The following ZNF410 variants were observed in gnomAD, a reference collection of about 807,000 sequenced individuals.
ZNF410 encodes the protein another partner for ARF 1.
Under a neutral mutation model 54.8 loss-of-function variants are expected in ZNF410, and 18 were observed. The observed-to-expected ratio is 0.33, with a 90% CI of 0.23 to 0.49. The LOEUF (loss-of-function observed/expected upper bound fraction) is 0.49. Ranked by LOEUF, ZNF410 falls within the 20% of genes least tolerant of loss-of-function variation. ZNF410 has a pLI of 0.99. For synonymous variants in ZNF410, 191 were observed against 207.3 expected (o/e 0.92, Z 0.68); for missense variants, 405 against 569.6 (o/e 0.71, Z 2.94).
intron 2 of ZNF410, chr14:73,893,513 G>T: frequency 3.5e-6 from 1 of 284,430 alleles, no homozygotes; most frequent in Non-Finnish European, 6.5e-6. Flanking sequence ...ATCTAAACGT[G>T]GAAAAAGTAC....
At chr14:73,924,648 A>G (rs764661374) in intron 11 of ZNF410, 15 of 439,650 alleles carry the variant, frequency 3.4e-5, no homozygotes, top group Non-Finnish European at 5.8e-5. Flanking sequence ...ATTAGTTTTT[A>G]TGGTGCTCTT....
chr14:73,892,642 C>A (rs1325426355), intron 2 of ZNF410, among the ~76,000 whole-genome samples: 1 of 151,936 alleles, frequency 6.6e-6, no homozygotes, highest in African/African-American at 2.4e-5. Context: ...ACTTTTCTTA[C>A]TTTAAATTTA....
At position 73,903,724 on chromosome 14, in the gene ZNF410, C is replaced by T. The variant is rs2055441357; in HGVS notation, c.581-236C>T. On this transcript the variant is annotated intron_variant, in intron 5 of 11. Transcript: ENST00000555044. The stretch of plus-strand genomic sequence containing the variant: ...CATGTTGCCCATGCTAGTCTCGGAA[C>T]ACCTGGGCTCAAGCAGTCCTCCCAC... 9.8e-6 allele frequency: 5 copies of T among 508,012 alleles called. No individual in the cohort carries two copies. The South Asian group carries it at 1.4e-4, about 15-fold the overall frequency. The allele number at this position is 508,012 out of a possible 1,614,324, so 31.5% of individuals were successfully genotyped here.
At chr14:73,912,606 T>G (rs966496311) in intron 8 of ZNF410, among the ~76,000 whole-genome samples, 1 of 152,244 alleles carries the variant, frequency 6.6e-6, no homozygotes, top group African/African-American at 2.4e-5. Context: ...ACTCTTTAGT[T>G]GGACTCTTCC....
At position 73,893,865 on chromosome 14, in the gene ZNF410, A is replaced by G. The variant is rs1488985155; in HGVS notation, c.102A>G (p.Lys34=). 2 of 1,614,028 alleles carry G rather than the reference A, an allele frequency of 1.2e-6. No homozygotes were observed. Among genetic ancestry groups the G allele is most frequent in the African/African-American group, 1.3e-5 (1 of 74,920 alleles). The change falls in exon 3 of 12, where the codon AAA becomes AAG. Residue 34 remains lysine, a synonymous_variant. Coordinates refer to ENST00000555044, the MANE Select transcript of ZNF410 (RefSeq NM_021188.3). ...LGQGLVESEA[K]DITCLSLLPV... ...AGGGGCTTGTAGAATCAGAAGCTAAAGATATTACTTGCTTGTCCCTCCTTC... is the reference window on the plus strand; with the variant it reads ...AGGGGCTTGTAGAATCAGAAGCTAAGGATATTACTTGCTTGTCCCTCCTTC...
Position 73,909,333 on chromosome 14 carries a change from G to A in ZNF410, c.914-8G>A. Reference sequence around the variant, plus strand: ...AGACTGAGTCTTTATCTCATTTTCTGTCTCTAGGAGAGAAACCTTTCCTTT... The same window carrying A: ...AGACTGAGTCTTTATCTCATTTTCTATCTCTAGGAGAGAAACCTTTCCTTT... On this transcript the variant is annotated splice_region_variant and splice_polypyrimidine_tract_variant and intron_variant, in intron 7 of 11. Transcript: ENST00000555044. 6.2e-7 allele frequency: 1 copy of A among 1,610,514 alleles called. No individual in the cohort carries two copies. The highest frequency in any genetic ancestry group is 8.5e-7 in the Non-Finnish European group (1 of 1,178,590).
In ZNF410 at chr14:73,918,885, A is replaced by G. The variant is rs535506200; in HGVS notation, c.1004-2095A>G. On this transcript the variant is annotated intron_variant, in intron 8 of 11. Transcript: ENST00000555044. ...GGCTACCTTTTTGTATTTTTAGTAG[A>G]GATGGGGTTTCACCGTGTTAGCCAG... is the stretch of plus-strand genomic sequence containing the variant. Among the ~76,000 whole-genome samples the G allele has an allele frequency of 1.0e-4, 14 of 139,762 alleles. No homozygotes were observed. In the South Asian group the frequency reaches 2.9e-3, roughly 29 times the overall value. The allele number at this position is 139,762 out of a possible 152,430, so 91.7% of individuals were successfully genotyped here. A position where few individuals can be genotyped will look rare whatever the true frequency, so the allele number is the denominator to read the frequency against.
chr14:73,907,361 G>A (rs558925357), intron 7 of ZNF410, among the ~76,000 whole-genome samples: 10 of 152,308 alleles, frequency 6.6e-5, no homozygotes, highest in Non-Finnish European at 8.8e-5. Context: ...ACTTTGGGAG[G>A]CTGAGGTGAG....
rs2055916466 is a variant in ZNF410 at position 73,931,581 on chromosome 14, C to G, written c.*40C>G. 1.3e-6 allele frequency: 2 copies of G among 1,596,264 alleles called. No individual in the cohort carries two copies. The highest frequency in any genetic ancestry group is 1.7e-5 in the Admixed American group (1 of 58,756). On this transcript the variant is annotated 3_prime_UTR_variant, in exon 12 of 12. Transcript: ENST00000555044. ...TCCTGGAAGAGCAACTCTATCTGAT[C>G]TCAAAATGCGTATACTGGGAACAGG...
chr14:73,888,020 C>T (rs927118795), intron 1 of ZNF410, among the ~76,000 whole-genome samples: 1 of 151,828 alleles, frequency 6.6e-6, no homozygotes, highest in Non-Finnish European at 1.5e-5. Context: ...CGCGGGGTGA[C>T]CAGTTAGAGG....
chr14:73,927,253 ATTT>A (rs2055847970), intron 11 of ZNF410: 1 of 218,440 alleles, frequency 4.6e-6, no homozygotes, highest in Non-Finnish European at 9.8e-6. Context: ...GCCCGGCTGT[ATTT>A]TTAGTAGAGA....
At chr14:73,903,897 G>C (rs57218552) in intron 5 of ZNF410, 63 bp from the exon 6 acceptor site, 224,638 of 1,589,602 alleles carry the variant, frequency 0.14, 17,667 homozygotes, top group Admixed American at 0.26. Context: ...GAGCTTTATT[G>C]TTTGAGCCTA....
intron 2 of ZNF410, 57 bp downstream of exon 2, chr14:73,892,265 C>T (rs1469659669): frequency 2.2e-5 from 35 of 1,596,082 alleles, no homozygotes; most frequent in Non-Finnish European, 2.8e-5. Flanking sequence ...CAAAGTTTAT[C>T]TTCAGTTTAG....
At chr14:73,909,455 G>T (rs767188922) in intron 8 of ZNF410, 25 bp downstream of exon 8, 4 of 1,598,034 alleles carry the variant, frequency 2.5e-6, no homozygotes, top group Admixed American at 3.4e-5. Flanking sequence ...GCCATTCATA[G>T]ATTTTAGGAA....
intron 8 of ZNF410, among the ~76,000 whole-genome samples, chr14:73,918,548 T>TA (rs2055703888): frequency 6.6e-6 from 1 of 152,060 alleles, no homozygotes; most frequent in South Asian, 2.1e-4. Flanking sequence ...AGGATCCCCA[T>TA]ATCCAGGAGA....
intron 1 of ZNF410, among the ~76,000 whole-genome samples, chr14:73,888,090 G>A (rs2055171806): frequency 2.0e-5 from 3 of 152,228 alleles, no homozygotes; most frequent in South Asian, 4.1e-4. Flanking sequence ...TTACAGTAGG[G>A]AACAGAGAAC....
chr14:73,917,857 A>AT (rs1019246411), intron 8 of ZNF410, among the ~76,000 whole-genome samples: 2 of 152,050 alleles, frequency 1.3e-5, no homozygotes, highest in Non-Finnish European at 2.9e-5. Flanking sequence ...CAACTAAGTG[A>AT]TTTTTAGTAG....
At chr14:73,918,997 CTTTTTTTTTTTTTTT>C (rs906481832) in intron 8 of ZNF410, among the ~76,000 whole-genome samples, 15 of 60,622 alleles carry the variant, frequency 2.5e-4, no homozygotes, top group East Asian at 2.3e-3. Context: ...CGTGCCCGGC[CTTTTTTTTTTTTTTT>C]TTTTTTTTTT....
chr14:73,923,553 G>C, intron 11 of ZNF410, 31 bp downstream of exon 11: 5 of 1,598,162 alleles, frequency 3.1e-6, no homozygotes, highest in Non-Finnish European at 4.3e-6. Context: ...TTGTTTCTGT[G>C]ACAATTCATG....
Sources: gnomAD v4.1 joint callset for allele counts (sites outside exome capture counted in the v4.1 genomes callset) on GRCh38, gnomAD v4.1.1 for gene constraint, MANE v1.5 for transcripts, NCBI Gene and HGNC (gene_info 2026-07-23, HGNC 2026-07-21) for gene names.